Variants in PRKAR2B observed in about 807,000 individuals in gnomAD.
PRKAR2B encodes the protein cAMP-dependent protein kinase type II-beta regulatory subunit.
In PRKAR2B, 14 loss-of-function variants were observed where a neutral mutation model predicts 49.9. The ratio of observed to expected loss-of-function variants is 0.28; its 90% CI spans 0.19 to 0.44. The LOEUF is 0.44. Ranked by LOEUF, PRKAR2B falls within the 20% of genes least tolerant of loss-of-function variation. PRKAR2B has a pLI of 1.00. For synonymous variants in PRKAR2B, 196 were observed against 197.7 expected, an observed-to-expected ratio of 0.99 and a Z score of 0.07; for missense variants, 393 against 537.9, an observed-to-expected ratio of 0.73 and a Z score of 2.67.
intron 2 of PRKAR2B, among the ~76,000 whole-genome samples, chr7:107,083,394 C>T (rs1794553110): frequency 6.6e-6 from 1 of 151,972 alleles, no homozygotes; most frequent in Admixed American, 6.6e-5. Context: ...ATGATGACAA[C>T]AATACTAATT....
intron 2 of PRKAR2B, among the ~76,000 whole-genome samples, chr7:107,110,178 G>A (rs1415640509): frequency 6.6e-6 from 1 of 152,118 alleles, no homozygotes; most frequent in Non-Finnish European, 1.5e-5. Context: ...AGAAGCAAAA[G>A]CAAACTAACT....
chr7:107,047,499 G>A (rs1793721119), intron 1 of PRKAR2B, among the ~76,000 whole-genome samples: 1 of 149,408 alleles, frequency 6.7e-6, no homozygotes, highest in Non-Finnish European at 1.5e-5. Context: ...ATTAGCTGCA[G>A]ATCAAGGCCA....
intron 1 of PRKAR2B, among the ~76,000 whole-genome samples, chr7:107,065,537 C>T (rs1185617248): frequency 6.6e-6 from 1 of 152,046 alleles, no homozygotes; most frequent in African/African-American, 2.4e-5. Context: ...TCTCTTTCAC[C>T]TGCGGTATTT....
chr7:107,135,862 C>G (rs146431159), intron 4 of PRKAR2B, among the ~76,000 whole-genome samples: 5 of 152,040 alleles, frequency 3.3e-5, no homozygotes, highest in Admixed American at 2.6e-4. Context: ...GGCAAAAGAC[C>G]TAGGAGAGCT....
At chr7:107,107,396 A>G (rs1795092883) in intron 2 of PRKAR2B, among the ~76,000 whole-genome samples, 1 of 152,040 alleles carries the variant, frequency 6.6e-6, no homozygotes, top group East Asian at 1.9e-4. Flanking sequence ...ATTGGACCCA[A>G]GTGGTGTTGC....
At chr7:107,144,205 C>T (rs1471587252) in intron 5 of PRKAR2B, among the ~76,000 whole-genome samples, 1 of 151,970 alleles carries the variant, frequency 6.6e-6, no homozygotes, top group Admixed American at 6.6e-5. Flanking sequence ...TCTTCCTCAA[C>T]CTCCCGAGTA....
intron 1 of PRKAR2B, among the ~76,000 whole-genome samples, chr7:107,053,247 G>C (rs989109484): frequency 6.6e-6 from 1 of 152,048 alleles, no homozygotes; most frequent in African/African-American, 2.4e-5. Context: ...CCCAATATAT[G>C]TTGATAAATT....
Position 107,159,608 on chromosome 7 carries a change from A to C in PRKAR2B, c.*26A>C, listed in dbSNP as rs1374864510. 1 of 1,612,318 alleles carries C rather than the reference A, an allele frequency of 6.2e-7. No homozygotes were observed. The highest frequency in any genetic ancestry group is 2.2e-5 in the East Asian group (1 of 44,852). On this transcript the variant is annotated 3_prime_UTR_variant, in exon 11 of 11. Coordinates refer to ENST00000265717, the MANE Select transcript of PRKAR2B (RefSeq NM_002736.3). ...AGCAAAAGTATGGAGCAAGACCTGTAGTGACAAAATTACACAGTAGTGGTT... is the reference window on the plus strand; with the variant it reads ...AGCAAAAGTATGGAGCAAGACCTGTCGTGACAAAATTACACAGTAGTGGTT...
intron 2 of PRKAR2B, among the ~76,000 whole-genome samples, chr7:107,104,102 G>T (rs531755325): frequency 8.5e-4 from 130 of 152,208 alleles, no homozygotes; most frequent in Non-Finnish European, 1.6e-3. Context: ...CACGATCTCG[G>T]CTTACTGCAA....
chr7:107,158,326 A>T (rs576192970), intron 10 of PRKAR2B, among the ~76,000 whole-genome samples: 10 of 152,268 alleles, frequency 6.6e-5, no homozygotes, highest in African/African-American at 1.9e-4. Context: ...TTATACTCAC[A>T]TCAAAGAAAA....
chr7:107,098,130 G>T (rs916072709), intron 2 of PRKAR2B, among the ~76,000 whole-genome samples: 1 of 152,092 alleles, frequency 6.6e-6, no homozygotes, highest in Non-Finnish European at 1.5e-5. Context: ...CTTTCTCCCC[G>T]TCACTTTCAG....
At chr7:107,158,837 C>T (rs985709382) in intron 10 of PRKAR2B, among the ~76,000 whole-genome samples, 2 of 151,906 alleles carry the variant, frequency 1.3e-5, no homozygotes, top group African/African-American at 4.8e-5. Flanking sequence ...TTAATTTGTA[C>T]TTTTATGTAT....
Position 107,140,859 on chromosome 7 carries a change from C to G in PRKAR2B, c.493C>G (p.Gln165Glu), listed in dbSNP as rs1424238319. Reference sequence around the variant, plus strand: ...TTTTTAAAAATAGGAGCAGATGTCTCAAGTATTAGATGCCATGTTTGAAAA... The same window carrying G: ...TTTTTAAAAATAGGAGCAGATGTCTGAAGTATTAGATGCCATGTTTGAAAA... ...FKNLDPEQMS[Q>E]VLDAMFEKLV... The change falls in exon 5 of 11, where the codon CAA becomes GAA. Residue 165 changes from glutamine to glutamate, a missense_variant. This residue lies in a region of PRKAR2B where 233 missense variants were observed against 390.4 expected (regional missense o/e 0.60). Transcript: ENST00000265717. The G allele has an allele frequency of 1.2e-6, 2 of 1,609,730 alleles. No homozygotes were observed. The highest frequency in any genetic ancestry group is 4.5e-5 in the East Asian group (2 of 44,610).
intron 2 of PRKAR2B, among the ~76,000 whole-genome samples, chr7:107,117,839 T>C (rs1310896787): frequency 6.6e-6 from 1 of 152,208 alleles, no homozygotes; most frequent in Non-Finnish European, 1.5e-5. Flanking sequence ...GTGACCATTG[T>C]CTGGCTACAC....
intron 2 of PRKAR2B, among the ~76,000 whole-genome samples, chr7:107,117,941 C>A (rs1444584515): frequency 6.6e-6 from 1 of 152,128 alleles, no homozygotes; most frequent in African/African-American, 2.4e-5. Context: ...ATATGCACAA[C>A]AAAACAGGGA....
At chr7:107,143,997 A>T (rs1172291495) in intron 5 of PRKAR2B, among the ~76,000 whole-genome samples, 4 of 152,172 alleles carry the variant, frequency 2.6e-5, no homozygotes, top group Non-Finnish European at 5.9e-5. Context: ...AAATTCTAGT[A>T]GTTTCCCTTG....
At chr7:107,130,273 G>A (rs957450626) in intron 4 of PRKAR2B, among the ~76,000 whole-genome samples, 1 of 152,098 alleles carries the variant, frequency 6.6e-6, no homozygotes, top group African/African-American at 2.4e-5. Flanking sequence ...GCCGAGGTGG[G>A]TGGATCACGA....
chr7:107,074,218 G>A (rs1303114699), intron 2 of PRKAR2B, among the ~76,000 whole-genome samples: 1 of 151,908 alleles, frequency 6.6e-6, no homozygotes, highest in East Asian at 2.0e-4. Context: ...CCAAGTTCAA[G>A]CAATTCTCTC....
intron 4 of PRKAR2B, among the ~76,000 whole-genome samples, chr7:107,137,265 T>G (rs547470979): frequency 6.6e-6 from 1 of 152,330 alleles, no homozygotes; most frequent in East Asian, 1.9e-4. Flanking sequence ...TGTATTCTCA[T>G]ATAGGTCTTT....
Sources: allele counts gnomAD v4.1 joint callset (sites outside exome capture counted in the v4.1 genomes callset), GRCh38; gene constraint gnomAD v4.1.1; regional missense constraint gnomAD v4.1.1; transcripts MANE v1.5; gene names NCBI Gene and HGNC (gene_info 2026-07-23, HGNC 2026-07-21).